The following TIMP2 variants were observed in gnomAD, a reference collection of about 807,000 sequenced individuals.
TIMP2 encodes metalloproteinase inhibitor 2.
TIMP2 carries 5 observed loss-of-function variants against 24.3 expected under a neutral mutation model. That is an observed-to-expected ratio of 0.21 (90% confidence interval 0.11 to 0.43). TIMP2 has a LOEUF of 0.43. TIMP2 is among the 20% of genes least tolerant of loss of function. TIMP2 has a pLI of 1.00. For missense variants in TIMP2, 221 were observed against 297.5 expected (o/e 0.74, Z 1.89); for synonymous variants, 130 against 123.2 (o/e 1.06, Z -0.37).
chr17:78,895,196 G>A (rs544606021), intron 1 of TIMP2, among the ~76,000 whole-genome samples: 1 of 152,290 alleles, frequency 6.6e-6, no homozygotes, highest in East Asian at 1.9e-4. Flanking sequence ...CAGGAGAATT[G>A]CTTGTATCTG....
intron 1 of TIMP2, chr17:78,892,322 C>T (rs2069913608): frequency 6.4e-7 from 1 of 1,550,540 alleles, no homozygotes; most frequent in African/African-American, 1.4e-5. Flanking sequence ...CCACATGGCT[C>T]CATCCATGTT....
intron 1 of TIMP2, among the ~76,000 whole-genome samples, chr17:78,881,725 T>C (rs1312432513): frequency 6.6e-6 from 1 of 152,236 alleles, no homozygotes; most frequent in African/African-American, 2.4e-5. Flanking sequence ...CAGTTGCAGG[T>C]GGACTCAGCT....
chr17:78,885,900 C>T (rs2069821408), intron 1 of TIMP2, among the ~76,000 whole-genome samples: 1 of 152,166 alleles, frequency 6.6e-6, no homozygotes, highest in Non-Finnish European at 1.5e-5. Flanking sequence ...GCCCTTTCTA[C>T]CGCAGTCCAG....
intron 1 of TIMP2, among the ~76,000 whole-genome samples, chr17:78,876,661 T>A (rs955653258): frequency 2.6e-5 from 4 of 151,750 alleles, no homozygotes; most frequent in African/African-American, 9.7e-5. Context: ...GGGTTACAGG[T>A]AACTGCCACC....
chr17:78,910,814 G>A (rs771583273), intron 1 of TIMP2, among the ~76,000 whole-genome samples: 3 of 151,400 alleles, frequency 2.0e-5, no homozygotes, highest in African/African-American at 4.9e-5. Context: ...TTGTGTAGAT[G>A]TACCAACATC....
At chr17:78,892,571 G>A in intron 1 of TIMP2, 1 of 1,440,526 alleles carries the variant, frequency 6.9e-7, no homozygotes, top group Admixed American at 2.7e-5. Context: ...TGCAAAATGT[G>A]CCCCTCCAAG....
intron 1 of TIMP2, among the ~76,000 whole-genome samples, chr17:78,907,987 T>C (rs563805313): frequency 6.6e-6 from 1 of 152,130 alleles, no homozygotes; most frequent in African/African-American, 2.4e-5. Flanking sequence ...TACAAAAACT[T>C]AGCTGGGCAT....
Position 78,924,835 on chromosome 17 carries a change from C to T in TIMP2, c.130+124G>A, listed in dbSNP as rs1055858423. The T allele has an allele frequency of 9.9e-6, 5 of 503,308 alleles. No individual in the cohort carries two copies. Among genetic ancestry groups the T allele is most frequent in the African/African-American group, 8.3e-5 (4 of 48,334 alleles). The allele number at this position is 503,308 out of a possible 1,614,324, so 31.2% of individuals were successfully genotyped here. ...CCACTTGCAGGATTCGAGAAGGCGC[C>T]GAGGGACCAGGAGGCGGGCGCTGGG... On this transcript the variant is annotated intron_variant, in intron 1 of 4. Transcript: ENST00000262768. This position sits in a 1 kb window ranked among gnomAD's most constrained non-coding sequence, Gnocchi z 5.3.
At chr17:78,872,717 C>T (rs1414660295) in intron 2 of TIMP2, among the ~76,000 whole-genome samples, 2 of 152,124 alleles carry the variant, frequency 1.3e-5, no homozygotes, top group Admixed American at 6.5e-5. Flanking sequence ...TTTCCTGCTT[C>T]GTAAAGAAAG....
At chr17:78,861,151 A>T (rs929952902) in intron 3 of TIMP2, among the ~76,000 whole-genome samples, 2 of 152,138 alleles carry the variant, frequency 1.3e-5, no homozygotes, top group African/African-American at 4.8e-5. Context: ...AAAGGAACCC[A>T]TTCCTGTATC....
At chr17:78,869,639 T>C (rs2069656086) in intron 3 of TIMP2, among the ~76,000 whole-genome samples, 1 of 151,702 alleles carries the variant, frequency 6.6e-6, no homozygotes, top group Non-Finnish European at 1.5e-5. Context: ...GGTGAAACCC[T>C]GTCTGTACTA....
At chr17:78,883,681 C>T (rs1009451537) in intron 1 of TIMP2, among the ~76,000 whole-genome samples, 4 of 152,168 alleles carry the variant, frequency 2.6e-5, no homozygotes, top group South Asian at 2.1e-4. Context: ...ACTGGGTGCC[C>T]GTCTCCATGG....
At chr17:78,876,506 C>A (rs1177120272) in intron 1 of TIMP2, among the ~76,000 whole-genome samples, 1 of 152,038 alleles carries the variant, frequency 6.6e-6, no homozygotes, top group Admixed American at 6.6e-5. Flanking sequence ...CACCACCATG[C>A]CTGGCTAATT....
intron 3 of TIMP2, among the ~76,000 whole-genome samples, chr17:78,860,045 G>A (rs544962478): frequency 2.0e-4 from 31 of 151,826 alleles, no homozygotes; most frequent in Non-Finnish European, 3.4e-4. Context: ...GTGTGGTGGC[G>A]GGTGCCTGTA....
chr17:78,863,606 G>A (rs1039245021), intron 3 of TIMP2, among the ~76,000 whole-genome samples: 15 of 152,226 alleles, frequency 9.9e-5, no homozygotes, highest in African/African-American at 2.9e-4. Flanking sequence ...CGAGGATCCC[G>A]CCACAGGTCC....
chr17:78,888,155 C>CTTTTTTTTTT, intron 1 of TIMP2, among the ~76,000 whole-genome samples: 1 of 141,504 alleles, frequency 7.1e-6, no homozygotes, highest in Non-Finnish European at 1.5e-5. Flanking sequence ...CTTTTTGTTT[C>CTTTTTTTTTT]TTTTTTTTTT....
chr17:78,925,111 G>T lies in TIMP2; in HGVS notation c.-23C>A. 3 of 886,444 alleles carry T rather than the reference G, an allele frequency of 3.4e-6. No homozygotes were observed. Among genetic ancestry groups the T allele is most frequent in the Non-Finnish European group, 2.7e-6 (2 of 742,000 alleles). 54.9% of individuals were successfully genotyped at this position (886,444 alleles called of 1,614,324 possible). On this transcript the variant is annotated 5_prime_UTR_variant, in exon 1 of 5. Coordinates refer to ENST00000262768, the MANE Select transcript of TIMP2 (RefSeq NM_003255.5). ...CATGGCGGGCCGGGGGGCTGGGCGGGCGGGGGCCGCCGCTGGGGGGTCCGG... is the reference window on the plus strand; with the variant it reads ...CATGGCGGGCCGGGGGGCTGGGCGGTCGGGGGCCGCCGCTGGGGGGTCCGG...
At chr17:78,872,173 C>T (rs549518893) in intron 2 of TIMP2, among the ~76,000 whole-genome samples, 2 of 150,104 alleles carry the variant, frequency 1.3e-5, no homozygotes, top group Non-Finnish European at 3.0e-5. Context: ...TTTTAATTAG[C>T]AGAGACGAGG....
intron 1 of TIMP2, chr17:78,890,992 C>T: frequency 6.4e-7 from 1 of 1,551,218 alleles, no homozygotes; most frequent in Non-Finnish European, 8.7e-7. Flanking sequence ...CTGCTTTCTG[C>T]CTTTGCCTGG....
Sources: gnomAD v4.1 joint callset for allele counts (sites outside exome capture counted in the v4.1 genomes callset) on GRCh38, gnomAD v4.1.1 for gene constraint, Gnocchi (gnomAD v3.1) non-coding constraint, MANE v1.5 for transcripts, NCBI Gene and HGNC (gene_info 2026-07-23, HGNC 2026-07-21) for gene names.